IL36B: variants seen among roughly 807,000 people sequenced by gnomAD.
The protein encoded by IL36B is interleukin-36 beta.
In IL36B, 23 loss-of-function variants were observed where a neutral mutation model predicts 19.3. The ratio of observed to expected loss-of-function variants is 1.19; its 90% confidence interval spans 0.86 to 1.69. IL36B has a LOEUF of 1.69. Among genes scored for constraint, IL36B ranks in the 40% most tolerant of loss-of-function variants. IL36B has a pLI of 0.00. For missense variants in IL36B, 217 were observed against 200.5 expected (o/e 1.08, Z -0.50); for synonymous variants, 59 against 59.7 (o/e 0.99, Z 0.05).
chr2:113,052,019 G>A (rs1685456316), intron 1 of IL36B, among the ~76,000 whole-genome samples: 1 of 151,416 alleles, frequency 6.6e-6, no homozygotes, highest in South Asian at 2.1e-4. Flanking sequence ...CATGATCTCA[G>A]GTCACTGCAA....
chr2:113,032,370 C>T (rs1685092016), intron 1 of IL36B, among the ~76,000 whole-genome samples: 2 of 152,298 alleles, frequency 1.3e-5, no homozygotes, highest in East Asian at 3.9e-4. Flanking sequence ...GGATCATCTG[C>T]CTCTGGTTTT....
At chr2:113,044,727 G>A (rs1573376636) in intron 1 of IL36B, among the ~76,000 whole-genome samples, 1 of 152,124 alleles carries the variant, frequency 6.6e-6, no homozygotes, top group East Asian at 1.9e-4. Context: ...TATTGCTGTG[G>A]TTAGGTTCAA....
At chr2:113,044,208 T>C (rs761470829) in intron 1 of IL36B, among the ~76,000 whole-genome samples, 2 of 151,974 alleles carry the variant, frequency 1.3e-5, no homozygotes, top group Non-Finnish European at 2.9e-5. Flanking sequence ...AAACTTCTTA[T>C]CCTTGGCAAT....
At chr2:113,045,069 G>T (rs1685326474) in intron 1 of IL36B, among the ~76,000 whole-genome samples, 1 of 151,484 alleles carries the variant, frequency 6.6e-6, no homozygotes, top group African/African-American at 2.4e-5. Flanking sequence ...TCTTTTAAAG[G>T]GATTTAAATA....
chr2:113,040,605 C>A (rs1334441527), intron 1 of IL36B, among the ~76,000 whole-genome samples: 2 of 152,074 alleles, frequency 1.3e-5, no homozygotes, highest in Non-Finnish European at 2.9e-5. Context: ...AGCAGGCTAT[C>A]AGAAAATGAA....
At chr2:113,038,736 G>A (rs964845500) in intron 1 of IL36B, among the ~76,000 whole-genome samples, 2 of 152,230 alleles carry the variant, frequency 1.3e-5, no homozygotes, top group African/African-American at 4.8e-5. Context: ...TATAATCCCA[G>A]AGAGCTGAGA....
rs139649291 is a variant in IL36B at position 113,024,906 on chromosome 2, C to T, written c.391+1197G>A. ...CGTATCCAAGTACATTGTTGCAAGTCTCTCATGGCCATCCTTGAGGCCATT... is the reference window on the plus strand; with the variant it reads ...CGTATCCAAGTACATTGTTGCAAGTTTCTCATGGCCATCCTTGAGGCCATT... On this transcript the variant is annotated intron_variant, in intron 5 of 5. Transcript: ENST00000259213. Among the ~76,000 whole-genome samples the T allele has an allele frequency of 2.2e-4, 34 of 152,302 alleles. 1 individual carries two copies. The Middle Eastern group carries it at 0.014, about 61-fold the overall frequency.
rs185272483 is a variant in IL36B, at chr2:113,029,047, T to A, written c.153A>T (p.Thr51=). ...TACCCTTTTCCTTGTCACTGAATTC[T>A]GTGTCTCTACAGGCTATTAAATGAA... Residue 51 remains threonine, a synonymous_variant, in exon 4 of 6, where the codon ACA becomes ACT. Coordinates refer to ENST00000259213, the MANE Select transcript of IL36B (RefSeq NM_014438.5). The A allele has an allele frequency of 8.8e-4, 1,423 of 1,613,864 alleles. 17 individuals carry two copies. The highest frequency in any genetic ancestry group is 6.1e-5 in the Non-Finnish European group (72 of 1,179,784).
Position 113,028,319 on chromosome 2 carries a change from C to T in IL36B, c.261+620G>A, listed in dbSNP as rs569118566. The stretch of plus-strand genomic sequence containing the variant: ...CATAGCCTGGCTCCACCCCAGGATC[C>T]TCTGACACAAGGTGCTCTGACTCTT... On this transcript the variant is annotated intron_variant, in intron 4 of 5. Transcript: ENST00000259213. Among the ~76,000 whole-genome samples, 2 of 152,152 alleles carry T rather than the reference C, an allele frequency of 1.3e-5. 1 individual carries two copies. Among genetic ancestry groups the T allele is most frequent in the African/African-American group, 4.8e-5 (2 of 41,438 alleles).
chr2:113,046,334 T>C (rs1297100131), intron 1 of IL36B, among the ~76,000 whole-genome samples: 1 of 151,716 alleles, frequency 6.6e-6, no homozygotes, highest in South Asian at 2.1e-4. Flanking sequence ...TTCAACCTCC[T>C]GAGTAGCTGG....
At chr2:113,032,491 T>A (rs537348277) in intron 1 of IL36B, among the ~76,000 whole-genome samples, 20 of 152,302 alleles carry the variant, frequency 1.3e-4, no homozygotes, top group African/African-American at 4.6e-4. Context: ...ATTCAATAGT[T>A]GTCCCTACAC....
intron 1 of IL36B, among the ~76,000 whole-genome samples, chr2:113,045,298 C>T (rs187474682): frequency 2.6e-4 from 40 of 152,182 alleles, no homozygotes; most frequent in African/African-American, 9.4e-4. Context: ...TGCTCTACTG[C>T]TTTCTCACTT....
intron 5 of IL36B, among the ~76,000 whole-genome samples, chr2:113,025,297 A>G (rs962282484): frequency 6.6e-6 from 1 of 152,214 alleles, no homozygotes; most frequent in Non-Finnish European, 1.5e-5. Flanking sequence ...TTCTGTGAGA[A>G]GCTTTCCAGT....
chr2:113,048,261 G>A (rs1049258785), intron 1 of IL36B, among the ~76,000 whole-genome samples: 1 of 152,076 alleles, frequency 6.6e-6, no homozygotes, highest in African/African-American at 2.4e-5. Flanking sequence ...AAATACAATT[G>A]TAATTGTATT....
intron 1 of IL36B, among the ~76,000 whole-genome samples, chr2:113,033,494 C>T (rs1191183241): frequency 6.6e-6 from 1 of 152,194 alleles, no homozygotes; most frequent in Non-Finnish European, 1.5e-5. Context: ...CCGCCTCGGC[C>T]TCCCAAAGTA....
intron 1 of IL36B, among the ~76,000 whole-genome samples, chr2:113,044,393 AG>A (rs1333471785): frequency 6.6e-6 from 1 of 151,804 alleles, no homozygotes; most frequent in Non-Finnish European, 1.5e-5. Context: ...CCTGAGCTCA[AG>A]TGATCCTACC....
At chr2:113,052,566 A>G (rs1236179337) in intron 1 of IL36B, among the ~76,000 whole-genome samples, 2 of 152,242 alleles carry the variant, frequency 1.3e-5, no homozygotes, top group African/African-American at 4.8e-5. Flanking sequence ...CATAATAGCT[A>G]TATTGCTTTT....
At chr2:113,051,138 C>T (rs1685437267) in intron 1 of IL36B, among the ~76,000 whole-genome samples, 1 of 152,200 alleles carries the variant, frequency 6.6e-6, no homozygotes, top group South Asian at 2.1e-4. Context: ...GCCCGGCACA[C>T]TGAGAGCGGC....
intron 5 of IL36B, among the ~76,000 whole-genome samples, chr2:113,024,012 G>A (rs1286337473): frequency 6.6e-6 from 1 of 152,124 alleles, no homozygotes; most frequent in African/African-American, 2.4e-5. Flanking sequence ...GAAGGACAGG[G>A]CAGATATGCA....
Sources: allele counts gnomAD v4.1 joint callset (sites outside exome capture counted in the v4.1 genomes callset), GRCh38; gene constraint gnomAD v4.1.1; transcripts MANE v1.5; gene names NCBI Gene and HGNC (gene_info 2026-07-23, HGNC 2026-07-21).